Variants in FLRT2 observed in about 807,000 individuals in gnomAD.
FLRT2 encodes the protein fibronectin leucine rich transmembrane protein 2.
FLRT2 carries 15 observed loss-of-function variants against 40.0 expected under a neutral mutation model. The ratio of observed to expected loss-of-function variants is 0.38; its 90% CI spans 0.25 to 0.58. The LOEUF (loss-of-function observed/expected upper bound fraction) is 0.58. Among genes scored for constraint, FLRT2 ranks in the 20% least tolerant of loss-of-function variants. The probability of loss-of-function intolerance (pLI) is 0.71; values close to 1 mark genes in which losing one functional copy is unlikely to be tolerated. For synonymous variants in FLRT2, 380 were observed against 336.8 expected (o/e 1.13, Z -1.41); for missense variants, 726 against 840.0 (o/e 0.86, Z 1.68).
At position 85,623,863 on chromosome 14, in the gene FLRT2, C is replaced by T. The variant is rs994433917; in HGVS notation, c.*366C>T. 3 of 191,634 alleles carry T rather than the reference C, an allele frequency of 1.6e-5. No individual in the cohort carries two copies. Among genetic ancestry groups the T allele is most frequent in the Non-Finnish European group, 3.5e-5 (3 of 85,122 alleles). The allele number at this position is 191,634 out of a possible 1,614,324, so 11.9% of individuals were successfully genotyped here. ...GCTGTTGAAGCTGTCAGAATAAATT[C>T]CTGGTGGTCAGATGAAAGGGCAGAT... On this transcript the variant is annotated 3_prime_UTR_variant, in exon 2 of 2. Transcript: ENST00000330753.
At chr14:85,580,695 T>C (rs1362326458) in intron 1 of FLRT2, among the ~76,000 whole-genome samples, 2 of 152,120 alleles carry the variant, frequency 1.3e-5, no homozygotes, top group Non-Finnish European at 2.9e-5. Context: ...CAGAAAACAG[T>C]CAGCAGAAGC....
rs573657760 is a variant in FLRT2, at chr14:85,576,118, C to T, written c.-376-45021C>T. On this transcript the variant is annotated intron_variant, in intron 1 of 1. Coordinates refer to ENST00000330753, the MANE Select transcript of FLRT2 (RefSeq NM_013231.6). ...TAATAACCTACTTTGGAGCTCACCA[C>T]GACCAAGCATGAGGTAAAATGATCT... Among the ~76,000 whole-genome samples, 10 of 152,270 alleles carry T rather than the reference C, an allele frequency of 6.6e-5. No individual in the cohort carries two copies. The South Asian group carries it at 8.3e-4, about 13-fold the overall frequency.
Position 85,625,641 on chromosome 14 carries a change from G to T in FLRT2, c.*2144G>T, listed in dbSNP as rs1003321458. 3.6e-5 allele frequency: 6 copies of T among 167,052 alleles called. No individual in the cohort carries two copies. Among genetic ancestry groups the T allele is most frequent in the African/African-American group, 1.4e-4 (6 of 41,436 alleles). 10.3% of individuals were successfully genotyped at this position (167,052 alleles called of 1,614,324 possible). ...TTTTTTAAAGTTAGGTCCACACAGT[G>T]AAGGGAAAAGAGTCTGTGAAGGTGA... On this transcript the variant is annotated 3_prime_UTR_variant, in exon 2 of 2. Coordinates refer to ENST00000330753, the MANE Select transcript of FLRT2 (RefSeq NM_013231.6).
intron 1 of FLRT2, among the ~76,000 whole-genome samples, chr14:85,539,011 T>C (rs1352807404): frequency 4.6e-5 from 7 of 152,122 alleles, no homozygotes. Flanking sequence ...TCATATCTAA[T>C]AGACAAAGTG....
In FLRT2 at chr14:85,643,338, T is replaced by TTC. The variant is rs760752166; in HGVS notation, c.*19841_*19842insTC. ...TTCTTTCTTTCTTTCTTTCTTTCTT[T>TTC]CTTTCTTTCTTTCTTTCTTCCTTCC... On this transcript the variant is annotated 3_prime_UTR_variant, in exon 2 of 2. Coordinates refer to ENST00000330753, the MANE Select transcript of FLRT2 (RefSeq NM_013231.6). 2.2e-3 allele frequency: 225 copies of TTC among 104,340 alleles called. 2 individuals carry two copies. The highest frequency in any genetic ancestry group is 0.01 in the East Asian group (35 of 3,482). The allele number at this position is 104,340 out of a possible 1,614,324, so 6.5% of individuals were successfully genotyped here.
At chr14:85,621,027 C>T in intron 1 of FLRT2, 112 bp from the exon 2 acceptor site, 1 of 157,992 alleles carries the variant, frequency 6.3e-6, no homozygotes, top group Admixed American at 6.2e-5. Context: ...CAGCCCTGGC[C>T]CCTCAACATT....
In FLRT2 at chr14:85,597,021, G is replaced by GA. The variant is rs554409915; in HGVS notation, c.-376-24111dup. ...TTATTATATTTTATTGCGTTGAGAT[G>GA]AAAAAAATAGAGAGGAACACCAGCA... On this transcript the variant is annotated intron_variant, in intron 1 of 1. Coordinates refer to ENST00000330753, the MANE Select transcript of FLRT2 (RefSeq NM_013231.6). Among the ~76,000 whole-genome samples, 22 of 151,994 alleles carry GA rather than the reference G, an allele frequency of 1.4e-4. No homozygotes were observed. In the South Asian group the frequency reaches 3.7e-3, roughly 26 times the overall value.
At chr14:85,599,357 A>C (rs1321627391) in intron 1 of FLRT2, among the ~76,000 whole-genome samples, 1 of 151,854 alleles carries the variant, frequency 6.6e-6, no homozygotes. Flanking sequence ...TCTGTAAACC[A>C]CTGTGAAGAA....
In FLRT2 at chr14:85,554,843, A is replaced by T. The variant is rs141130510; in HGVS notation, c.-377+24309A>T. 3.7e-3 allele frequency among the ~76,000 whole-genome samples: 560 copies of T among 152,294 alleles called. 4 individuals carry two copies. Among genetic ancestry groups the T allele is most frequent in the African/African-American group, 0.013 (541 of 41,560 alleles). ...GTATCATTACAGGATGCCCATTAAG[A>T]GTTGACTCAAAGGTCCCTTTTCCCT... On this transcript the variant is annotated intron_variant, in intron 1 of 1. Coordinates refer to ENST00000330753, the MANE Select transcript of FLRT2 (RefSeq NM_013231.6).
At chr14:85,618,683 C>A (rs1328610654) in intron 1 of FLRT2, among the ~76,000 whole-genome samples, 1 of 152,146 alleles carries the variant, frequency 6.6e-6, no homozygotes, top group Non-Finnish European at 1.5e-5. Context: ...TCAAAAGAGT[C>A]ATGTAACATG....
At chr14:85,555,697 T>TTTTATTTTATTTTATTTTAC (rs1889911849) in intron 1 of FLRT2, among the ~76,000 whole-genome samples, 3 of 125,962 alleles carry the variant, frequency 2.4e-5, no homozygotes, top group Non-Finnish European at 4.7e-5. Flanking sequence ...ATCTATTTTA[T>TTTTATTTTATTTTATTTTAC]TTTATTTTAT....
rs563919867 is a variant in FLRT2 at position 85,567,682 on chromosome 14, C to T, written c.-377+37148C>T. ...TTGAGACGGAGTCTCACTCTGTCAC[C>T]CAGGCTGGAGTGCAGTGGCACGATC... On this transcript the variant is annotated intron_variant, in intron 1 of 1. Coordinates refer to ENST00000330753, the MANE Select transcript of FLRT2 (RefSeq NM_013231.6). Among the ~76,000 whole-genome samples the T allele has an allele frequency of 8.1e-3, 1,198 of 147,504 alleles. 15 individuals carry two copies. The highest frequency in any genetic ancestry group is 0.029 in the African/African-American group (1,147 of 39,804).
At chr14:85,585,071 TC>T (rs924736419) in intron 1 of FLRT2, among the ~76,000 whole-genome samples, 2 of 152,114 alleles carry the variant, frequency 1.3e-5, no homozygotes, top group African/African-American at 4.8e-5. Flanking sequence ...CTAATGCTGC[TC>T]CTGACCTCCT....
In FLRT2 at chr14:85,621,562, G is replaced by A. The variant is rs1893382024; in HGVS notation, c.48G>A (p.Leu16=). 2 of 1,613,016 alleles carry A rather than the reference G, an allele frequency of 1.2e-6. No individual in the cohort carries two copies. The highest frequency in any genetic ancestry group is 1.3e-5 in the African/African-American group (1 of 74,682). ...TKWPSHGAFF[L]KSWLIISLGL... ...GGCCCAGCCATGGGGCTTTTTTCCT[G>A]AAGTCTTGGCTTATCATTTCCCTGG... Residue 16 remains leucine (L), a synonymous_variant, in exon 2 of 2, where the codon CTG becomes CTA. Coordinates refer to ENST00000330753, the MANE Select transcript of FLRT2 (RefSeq NM_013231.6).
intron 1 of FLRT2, among the ~76,000 whole-genome samples, chr14:85,550,199 A>T (rs533711210): frequency 2.6e-5 from 4 of 152,196 alleles, no homozygotes; most frequent in Non-Finnish European, 5.9e-5. Context: ...TTTTTCTACT[A>T]AATTTCAGCT....
At chr14:85,599,046 T>G (rs1204035007) in intron 1 of FLRT2, among the ~76,000 whole-genome samples, 1 of 151,008 alleles carries the variant, frequency 6.6e-6, no homozygotes, top group African/African-American at 2.4e-5. Context: ...GCCTCCCGAG[T>G]AGCTGGGACT....
intron 1 of FLRT2, among the ~76,000 whole-genome samples, chr14:85,587,464 G>T (rs1453752443): frequency 2.6e-5 from 4 of 151,984 alleles, no homozygotes; most frequent in African/African-American, 9.7e-5. Flanking sequence ...CTTGTGGTTT[G>T]GCCCTCCTCA....
rs1395641362 is a variant in FLRT2 at position 85,545,062 on chromosome 14, C to A, written c.-377+14528C>A. ...TGAGATGATTTTTGATCAGACACTA[C>A]CCCTTAATACTGGAGGCTTATAACA... is the stretch of plus-strand genomic sequence containing the variant. On this transcript the variant is annotated intron_variant, in intron 1 of 1. Transcript: ENST00000330753. Among the ~76,000 whole-genome samples, 6 of 152,124 alleles carry A rather than the reference C, an allele frequency of 3.9e-5. No homozygotes were observed. In the East Asian group the frequency reaches 1.2e-3, roughly 29 times the overall value.
chr14:85,579,266 C>T (rs1891280789), intron 1 of FLRT2, among the ~76,000 whole-genome samples: 1 of 152,128 alleles, frequency 6.6e-6, no homozygotes, highest in African/African-American at 2.4e-5. Flanking sequence ...GTTTCTCCTT[C>T]TCCTTCCTTT....
Sources: allele counts gnomAD v4.1 joint callset (sites outside exome capture counted in the v4.1 genomes callset), GRCh38; gene constraint gnomAD v4.1.1; transcripts MANE v1.5; gene names NCBI Gene and HGNC (gene_info 2026-07-23, HGNC 2026-07-21).